Variants in ASIC2 observed in about 807,000 individuals in gnomAD.
ASIC2 encodes acid sensing ion channel subunit 2, also known as acid-sensing ion channel 2.
ASIC2 carries 25 observed loss-of-function variants against 57.3 expected under a neutral mutation model. The ratio of observed to expected loss-of-function variants is 0.44; its 90% confidence interval spans 0.32 to 0.61. The LOEUF is 0.61. Ranked by LOEUF, ASIC2 falls within the 20% of genes least tolerant of loss-of-function variation. The pLI, the probability that ASIC2 is intolerant of heterozygous loss-of-function variation, is 0.06. For missense variants in ASIC2, 641 were observed against 738.1 expected, an observed-to-expected ratio of 0.87 and a Z score of 1.52; for synonymous variants, 319 against 307.5, an observed-to-expected ratio of 1.04 and a Z score of -0.39.
intron 1 of ASIC2, among the ~76,000 whole-genome samples, chr17:33,331,290 G>A (rs770120747): frequency 3.9e-5 from 6 of 152,110 alleles, no homozygotes; most frequent in African/African-American, 9.7e-5. Context: ...GTTGGGGATC[G>A]CTGCTTTGGA....
At chr17:33,065,796 G>A (rs1194606251) in intron 3 of ASIC2, among the ~76,000 whole-genome samples, 1 of 152,100 alleles carries the variant, frequency 6.6e-6, no homozygotes, top group Non-Finnish European at 1.5e-5. Flanking sequence ...AAAAAGTGGA[G>A]TAAAATGAAA....
At chr17:33,788,863 G>A (rs1416169039) in intron 1 of ASIC2, among the ~76,000 whole-genome samples, 2 of 152,152 alleles carry the variant, frequency 1.3e-5, no homozygotes, top group Non-Finnish European at 2.9e-5. Flanking sequence ...AGAACGCATA[G>A]ATGTAGAGAG....
At chr17:34,148,974 A>G (rs1904397050) in intron 1 of ASIC2, among the ~76,000 whole-genome samples, 1 of 152,206 alleles carries the variant, frequency 6.6e-6, no homozygotes, top group African/African-American at 2.4e-5. Flanking sequence ...CAGGCCTAGT[A>G]ATACACACAC....
intron 1 of ASIC2, among the ~76,000 whole-genome samples, chr17:33,788,224 A>C (rs906301220): frequency 2.6e-5 from 4 of 152,084 alleles, no homozygotes; most frequent in Non-Finnish European, 4.4e-5. Context: ...AGAAAAAAAA[A>C]CCCCATTAAA....
chr17:33,368,413 GA>G (rs1908907020), intron 1 of ASIC2, among the ~76,000 whole-genome samples: 1 of 152,176 alleles, frequency 6.6e-6, no homozygotes, highest in Middle Eastern at 3.2e-3. Flanking sequence ...CCAAGCCCTG[GA>G]GGTTTCTAGC....
chr17:33,419,538 T>A (rs569504603), intron 1 of ASIC2, among the ~76,000 whole-genome samples: 1 of 152,328 alleles, frequency 6.6e-6, no homozygotes, highest in Admixed American at 6.5e-5. Flanking sequence ...GATTGCTGGA[T>A]GGATACCAGC....
At chr17:33,424,278 C>T (rs1911142130) in intron 1 of ASIC2, among the ~76,000 whole-genome samples, 1 of 152,188 alleles carries the variant, frequency 6.6e-6, no homozygotes, top group Admixed American at 6.5e-5. Context: ...CACTATGTGG[C>T]TGCCAGAAGT....
At chr17:34,146,677 T>C (rs1213018220) in intron 1 of ASIC2, 5 of 152,142 alleles carry the variant, frequency 3.3e-5, no homozygotes, top group Non-Finnish European at 7.3e-5. Context: ...CCCAGGTATC[T>C]CCAGAAGAGG....
chr17:33,709,894 T>G (rs1908973578), intron 1 of ASIC2, among the ~76,000 whole-genome samples: 1 of 152,246 alleles, frequency 6.6e-6, no homozygotes, highest in Non-Finnish European at 1.5e-5. Flanking sequence ...TTTGGACATT[T>G]CCAGTGACAT....
intron 1 of ASIC2, among the ~76,000 whole-genome samples, chr17:34,134,060 G>A (rs942990015): frequency 6.6e-6 from 1 of 152,170 alleles, no homozygotes; most frequent in African/African-American, 2.4e-5. Context: ...TAGCTGATGA[G>A]TGCTACAGTC....
At chr17:33,310,350 C>G (rs144044870) in intron 1 of ASIC2, among the ~76,000 whole-genome samples, 1 of 152,184 alleles carries the variant, frequency 6.6e-6, no homozygotes, top group African/African-American at 2.4e-5. Context: ...TTTAAGATGA[C>G]ATAATTTGAC....
At chr17:34,120,981 C>A (rs557946383) in intron 1 of ASIC2, among the ~76,000 whole-genome samples, 7 of 152,144 alleles carry the variant, frequency 4.6e-5, no homozygotes, top group Admixed American at 3.9e-4. Context: ...CTCAAGTGAT[C>A]CACCCGCCTC....
chr17:33,455,766 A>G (rs539321206), intron 1 of ASIC2, among the ~76,000 whole-genome samples: 1 of 152,368 alleles, frequency 6.6e-6, no homozygotes, highest in South Asian at 2.1e-4. Context: ...TTTACATCTC[A>G]AAAGCCCCAG....
At chr17:33,124,370 C>T (rs942677901) in intron 1 of ASIC2, among the ~76,000 whole-genome samples, 14 of 152,174 alleles carry the variant, frequency 9.2e-5, no homozygotes, top group African/African-American at 3.4e-4. Flanking sequence ...GGGAGATACA[C>T]AGCATGCATG....
chr17:33,937,919 C>T (rs1916103814), intron 1 of ASIC2, among the ~76,000 whole-genome samples: 1 of 152,158 alleles, frequency 6.6e-6, no homozygotes, highest in Non-Finnish European at 1.5e-5. Context: ...CCTTTGTGGG[C>T]AACATTGCCA....
intron 1 of ASIC2, among the ~76,000 whole-genome samples, chr17:33,193,207 G>A (rs1906494341): frequency 2.0e-5 from 3 of 152,212 alleles, no homozygotes; most frequent in Admixed American, 6.5e-5. Flanking sequence ...CACATGATAA[G>A]TGTCAGGAAG....
intron 1 of ASIC2, among the ~76,000 whole-genome samples, chr17:33,369,790 C>T (rs2141937824): frequency 6.6e-6 from 1 of 152,330 alleles, no homozygotes; most frequent in East Asian, 1.9e-4. Context: ...AGCATGATTA[C>T]TATTAGTGCT....
intron 1 of ASIC2, among the ~76,000 whole-genome samples, chr17:33,175,092 T>A (rs540016395): frequency 6.6e-6 from 1 of 152,356 alleles, no homozygotes; most frequent in African/African-American, 2.4e-5. Context: ...TTATTTCTAA[T>A]GAATACGAGA....
intron 1 of ASIC2, among the ~76,000 whole-genome samples, chr17:33,560,298 T>A (rs1235044232): frequency 6.6e-6 from 1 of 152,114 alleles, no homozygotes; most frequent in African/African-American, 2.4e-5. Context: ...GATGTTGACG[T>A]CCTCCCTGAT....
Sources: allele counts gnomAD v4.1 joint callset (sites outside exome capture counted in the v4.1 genomes callset), GRCh38; gene constraint gnomAD v4.1.1; transcripts MANE v1.5; gene names NCBI Gene and HGNC (gene_info 2026-07-23, HGNC 2026-07-21).